SLCO6A1: variants seen among roughly 807,000 people sequenced by gnomAD.
The protein encoded by SLCO6A1 is solute carrier organic anion transporter family member 6A1, also known as cancer/testis antigen 48.
SLCO6A1 carries 65 observed loss-of-function variants against 72.7 expected under a neutral mutation model. That is an observed-to-expected ratio of 0.89 (90% CI 0.73 to 1.10). SLCO6A1 has a LOEUF of 1.10. Among genes scored for constraint, SLCO6A1 ranks in the 50% least tolerant of loss-of-function variants. The pLI, the probability that SLCO6A1 is intolerant of heterozygous loss-of-function variation, is 0.00. For missense variants in SLCO6A1, 874 were observed against 872.6 expected (o/e 1.00, Z -0.02); for synonymous variants, 314 against 298.2 (o/e 1.05, Z -0.55).
At chr5:102,461,270 T>C (rs1751025800) in intron 4 of SLCO6A1, among the ~76,000 whole-genome samples, 1 of 151,924 alleles carries the variant, frequency 6.6e-6, no homozygotes, top group Non-Finnish European at 1.5e-5. Flanking sequence ...ATATGTTCAA[T>C]AAAGGAAATT....
chr5:102,484,968 C>T (rs558611031), intron 1 of SLCO6A1, among the ~76,000 whole-genome samples: 1 of 152,106 alleles, frequency 6.6e-6, no homozygotes, highest in East Asian at 1.9e-4. Context: ...TTTAAAAAGG[C>T]CTGGCCAGGA....
At chr5:102,492,281 G>A (rs1367847637) in intron 1 of SLCO6A1, among the ~76,000 whole-genome samples, 1 of 152,098 alleles carries the variant, frequency 6.6e-6, no homozygotes, top group African/African-American at 2.4e-5. Flanking sequence ...GGAGAGAGAT[G>A]GAAACTCTAA....
chr5:102,491,280 T>G (rs966234240), intron 1 of SLCO6A1, among the ~76,000 whole-genome samples: 3 of 152,110 alleles, frequency 2.0e-5, no homozygotes, highest in African/African-American at 4.8e-5. Flanking sequence ...CAGCTAGACA[T>G]AAAGGTTCTC....
At chr5:102,458,537 A>G (rs556139239) in intron 5 of SLCO6A1, 46 bp from the exon 6 acceptor site, 1 of 1,362,362 alleles carries the variant, frequency 7.3e-7, no homozygotes, top group East Asian at 2.3e-5. Flanking sequence ...TCAAATAACT[A>G]AAACCCATAC....
chr5:102,480,895 T>G (rs1752161883), intron 1 of SLCO6A1, among the ~76,000 whole-genome samples: 1 of 152,196 alleles, frequency 6.6e-6, no homozygotes, highest in East Asian at 1.9e-4. Context: ...GTATTTAAAG[T>G]TTACCAGTTT....
chr5:102,447,312 T>C (rs1160558662), intron 6 of SLCO6A1, among the ~76,000 whole-genome samples: 1 of 152,212 alleles, frequency 6.6e-6, no homozygotes, highest in Non-Finnish European at 1.5e-5. Context: ...TCAGGGATAT[T>C]GGCCTGAAGC....
At chr5:102,407,127 G>C (rs1368333862) in intron 9 of SLCO6A1, among the ~76,000 whole-genome samples, 1 of 152,146 alleles carries the variant, frequency 6.6e-6, no homozygotes, top group Non-Finnish European at 1.5e-5. Flanking sequence ...CTAAAACAGG[G>C]ACAGGGTGAA....
At chr5:102,417,210 T>C in intron 8 of SLCO6A1, among the ~76,000 whole-genome samples, 1 of 152,114 alleles carries the variant, frequency 6.6e-6, no homozygotes. Flanking sequence ...CCATTCTTTC[T>C]GCTTAATATA....
intron 4 of SLCO6A1, among the ~76,000 whole-genome samples, chr5:102,469,065 T>C (rs539104727): frequency 2.0e-5 from 3 of 152,304 alleles, no homozygotes; most frequent in African/African-American, 7.2e-5. Flanking sequence ...TACTGTAGCC[T>C]TGTAGTATAG....
chr5:102,477,922 A>T (rs115504797), intron 2 of SLCO6A1, 61 bp from the exon 3 acceptor site: 16,321 of 1,424,320 alleles, frequency 0.011, 139 homozygotes, highest in Non-Finnish European at 0.013. Flanking sequence ...ACAAATGTGC[A>T]GTATTCTTTA....
chr5:102,402,495 G>A (rs1489920349), intron 9 of SLCO6A1, among the ~76,000 whole-genome samples: 3 of 152,162 alleles, frequency 2.0e-5, no homozygotes, highest in Non-Finnish European at 2.9e-5. Context: ...CTCACTTTGT[G>A]TTGCTATAAC....
chr5:102,433,345 C>A (rs188496009), intron 7 of SLCO6A1, among the ~76,000 whole-genome samples: 1 of 152,228 alleles, frequency 6.6e-6, no homozygotes, highest in Admixed American at 6.5e-5. Flanking sequence ...ACCTTATGGC[C>A]TTTTGAATTG....
chr5:102,373,211 CA>C, intron 13 of SLCO6A1, 125 bp downstream of exon 13: 1 of 557,276 alleles, frequency 1.8e-6, no homozygotes, highest in Non-Finnish European at 2.5e-6. Context: ...TATTTGCACT[CA>C]AAATATAATA....
chr5:102,406,639 T>G (rs1422284230), intron 9 of SLCO6A1, among the ~76,000 whole-genome samples: 1 of 152,020 alleles, frequency 6.6e-6, no homozygotes, highest in Admixed American at 6.6e-5. Context: ...GCAGAGTTAA[T>G]AGTAAGAATG....
At chr5:102,400,836 A>G (rs1747356954) in intron 9 of SLCO6A1, among the ~76,000 whole-genome samples, 1 of 152,102 alleles carries the variant, frequency 6.6e-6, no homozygotes, top group Non-Finnish European at 1.5e-5. Context: ...CCAAATATCC[A>G]AATATCAATT....
At chr5:102,398,158 G>C (rs1336332671) in intron 10 of SLCO6A1, among the ~76,000 whole-genome samples, 1 of 151,900 alleles carries the variant, frequency 6.6e-6, no homozygotes, top group South Asian at 2.1e-4. Context: ...TTTGTACCAG[G>C]CATATCAAAT....
Position 102,438,703 on chromosome 5 carries a change from A to T in SLCO6A1, c.1190T>A (p.Leu397Ter). ...CLALSKATEY[L>*]VIIGASEFLP... ...AAATTCAGAAGCTCCAATAATAACT[A>T]AATATTCTGTAGCTTTTGACAGAGC... The change falls in exon 7 of 14, where the codon TTA (leucine) becomes TAA (stop). Residue 397 changes from leucine (L) to a stop codon, truncating the protein, a stop_gained. Coordinates refer to ENST00000506729, the MANE Select transcript of SLCO6A1 (RefSeq NM_173488.5). LOFTEE classifies it high-confidence loss of function. 1 of 1,598,964 alleles carries T rather than the reference A, an allele frequency of 6.3e-7. No individual in the cohort carries two copies. Among genetic ancestry groups the T allele is most frequent in the Non-Finnish European group, 8.5e-7 (1 of 1,173,608 alleles).
At chr5:102,487,381 A>G (rs902194234) in intron 1 of SLCO6A1, among the ~76,000 whole-genome samples, 1 of 152,228 alleles carries the variant, frequency 6.6e-6, no homozygotes, top group Non-Finnish European at 1.5e-5. Context: ...CAAAAAAGGT[A>G]TACTAGAAAG....
At chr5:102,419,233 T>G (rs1011232887) in intron 8 of SLCO6A1, among the ~76,000 whole-genome samples, 1 of 152,234 alleles carries the variant, frequency 6.6e-6, no homozygotes, top group Non-Finnish European at 1.5e-5. Flanking sequence ...TCAGCTTTTC[T>G]AGTTATTCTC....
Sources: allele counts gnomAD v4.1 joint callset (sites outside exome capture counted in the v4.1 genomes callset), GRCh38; gene constraint gnomAD v4.1.1; transcripts MANE v1.5; gene names NCBI Gene and HGNC (gene_info 2026-07-23, HGNC 2026-07-21).